The following ASIC2 variants were observed in gnomAD, a reference collection of about 807,000 sequenced individuals.
The protein encoded by ASIC2 is acid-sensing ion channel 2.
ASIC2 carries 25 observed loss-of-function variants against 57.3 expected under a neutral mutation model. That is an observed-to-expected ratio of 0.44 (90% confidence interval 0.32 to 0.61). The LOEUF (loss-of-function observed/expected upper bound fraction) is 0.61. Ranked by LOEUF, ASIC2 falls within the 20% of genes least tolerant of loss-of-function variation. The probability of loss-of-function intolerance (pLI) is 0.06; values close to 1 mark genes in which losing one functional copy is unlikely to be tolerated. For synonymous variants in ASIC2, 319 were observed against 307.5 expected (o/e 1.04, Z -0.39); for missense variants, 641 against 738.1 (o/e 0.87, Z 1.52).
chr17:33,923,313 C>T (rs1485759019), intron 1 of ASIC2, among the ~76,000 whole-genome samples: 2 of 152,154 alleles, frequency 1.3e-5, no homozygotes, highest in Non-Finnish European at 2.9e-5. Context: ...ATTTGCCGTT[C>T]TCAAGGCTGA....
At chr17:33,964,380 A>C (rs1905016736) in intron 1 of ASIC2, among the ~76,000 whole-genome samples, 1 of 152,256 alleles carries the variant, frequency 6.6e-6, no homozygotes, top group South Asian at 2.1e-4. Context: ...ATCAGACACT[A>C]GACCTCTCTA....
intron 1 of ASIC2, among the ~76,000 whole-genome samples, chr17:34,119,141 C>T (rs1198480691): frequency 2.6e-5 from 4 of 152,096 alleles, no homozygotes; most frequent in African/African-American, 9.7e-5. Flanking sequence ...TCAAAGGAAG[C>T]AAGTTTTAAT....
intron 1 of ASIC2, among the ~76,000 whole-genome samples, chr17:33,344,365 T>C (rs1187148751): frequency 6.6e-6 from 1 of 152,146 alleles, no homozygotes; most frequent in African/African-American, 2.4e-5. Flanking sequence ...TCCAGGCACA[T>C]ACAGGCCAGT....
chr17:33,299,249 C>T (rs1905849740), intron 1 of ASIC2, among the ~76,000 whole-genome samples: 1 of 151,228 alleles, frequency 6.6e-6, no homozygotes, highest in South Asian at 2.1e-4. Context: ...AGTTATAGAC[C>T]AATGCAACAG....
intron 1 of ASIC2, among the ~76,000 whole-genome samples, chr17:33,621,026 C>G (rs1434362234): frequency 6.6e-6 from 1 of 152,140 alleles, no homozygotes; most frequent in Admixed American, 6.5e-5. Flanking sequence ...GAATGCTCTT[C>G]CCCCAGGTAT....
chr17:33,716,649 C>T (rs112846902), intron 1 of ASIC2, among the ~76,000 whole-genome samples: 6 of 152,238 alleles, frequency 3.9e-5, no homozygotes, highest in African/African-American at 9.6e-5. Flanking sequence ...TCGACACACA[C>T]ACTCAGAATT....
intron 1 of ASIC2, among the ~76,000 whole-genome samples, chr17:34,109,679 G>A (rs1192101467): frequency 6.6e-6 from 1 of 152,170 alleles, no homozygotes; most frequent in Non-Finnish European, 1.5e-5. Context: ...GAGTCTCACT[G>A]TTATATAAAC....
intron 1 of ASIC2, among the ~76,000 whole-genome samples, chr17:33,797,852 C>T (rs1202590266): frequency 6.6e-6 from 1 of 152,174 alleles, no homozygotes; most frequent in Non-Finnish European, 1.5e-5. Flanking sequence ...CTCAATCACA[C>T]CTGAGTGCTT....
intron 3 of ASIC2, among the ~76,000 whole-genome samples, chr17:33,029,488 C>T (rs1474044016): frequency 6.6e-6 from 1 of 152,174 alleles, no homozygotes; most frequent in Non-Finnish European, 1.5e-5. Context: ...AATAGTTTTC[C>T]AGCATTATGT....
At chr17:33,355,486 G>A (rs1262118214) in intron 1 of ASIC2, among the ~76,000 whole-genome samples, 1 of 152,026 alleles carries the variant, frequency 6.6e-6, no homozygotes, top group East Asian at 1.9e-4. Flanking sequence ...ATTTTCTGGA[G>A]CAGGATTTGG....
At chr17:34,013,479 T>A (rs1187931074) in intron 1 of ASIC2, among the ~76,000 whole-genome samples, 1 of 152,166 alleles carries the variant, frequency 6.6e-6, no homozygotes, top group Non-Finnish European at 1.5e-5. Context: ...AGAGGTTGTG[T>A]CTGTTTTAAC....
At chr17:33,358,554 CA>C (rs1381667878) in intron 1 of ASIC2, among the ~76,000 whole-genome samples, 1,609 of 152,254 alleles carry the variant, frequency 0.011, 36 homozygotes, top group African/African-American at 0.037. Context: ...CAAAAGGGAA[CA>C]TGATGAGTGC....
chr17:33,199,044 G>T (rs1329903250), intron 1 of ASIC2, among the ~76,000 whole-genome samples: 1 of 152,196 alleles, frequency 6.6e-6, no homozygotes, highest in Non-Finnish European at 1.5e-5. Flanking sequence ...CCAGTTAAAA[G>T]TAGGATAAAT....
chr17:33,164,617 G>A (rs1433763485), intron 1 of ASIC2, among the ~76,000 whole-genome samples: 1 of 151,222 alleles, frequency 6.6e-6, no homozygotes, highest in Non-Finnish European at 1.5e-5. Context: ...TACACACATG[G>A]TTATGCACGC....
intron 1 of ASIC2, among the ~76,000 whole-genome samples, chr17:33,568,875 G>T (rs963978551): frequency 6.6e-6 from 1 of 152,204 alleles, no homozygotes; most frequent in Non-Finnish European, 1.5e-5. Context: ...ATTTTGCTAA[G>T]GGATATGGAA....
At chr17:33,222,116 G>A (rs1907710384) in intron 1 of ASIC2, among the ~76,000 whole-genome samples, 1 of 152,176 alleles carries the variant, frequency 6.6e-6, no homozygotes, top group Admixed American at 6.5e-5. Context: ...AGGGAACATA[G>A]TGACTGGGGG....
chr17:33,400,039 G>A (rs982507329), intron 1 of ASIC2, among the ~76,000 whole-genome samples: 1 of 152,228 alleles, frequency 6.6e-6, no homozygotes, highest in African/African-American at 2.4e-5. Flanking sequence ...TGGGCCAGAT[G>A]TCTGTTCTGG....
At chr17:33,138,083 C>A (rs1452245717) in intron 1 of ASIC2, among the ~76,000 whole-genome samples, 5 of 152,106 alleles carry the variant, frequency 3.3e-5, no homozygotes, top group African/African-American at 1.2e-4. Flanking sequence ...GTTTGGGGGA[C>A]AGAGGGTCCT....
intron 1 of ASIC2, among the ~76,000 whole-genome samples, chr17:33,888,041 C>T (rs557213065): frequency 1.2e-4 from 18 of 152,248 alleles, no homozygotes; most frequent in African/African-American, 3.9e-4. Context: ...CATCCTAAAT[C>T]GGGGCCCATC....
Sources: gnomAD v4.1 joint callset for allele counts (sites outside exome capture counted in the v4.1 genomes callset) on GRCh38, gnomAD v4.1.1 for gene constraint, MANE v1.5 for transcripts, NCBI Gene and HGNC (gene_info 2026-07-23, HGNC 2026-07-21) for gene names.